Variants in PIGL observed in about 807,000 individuals in gnomAD.
PIGL encodes N-acetylglucosaminyl-phosphatidylinositol de-N-acetylase.
PIGL carries 22 observed loss-of-function variants against 31.1 expected under a neutral mutation model. That is an observed-to-expected ratio of 0.71 (90% CI 0.51 to 1.01). PIGL has a LOEUF of 1.01. Among genes scored for constraint, PIGL ranks in the 50% least tolerant of loss-of-function variants. PIGL has a pLI of 0.00. For missense variants in PIGL, 302 were observed against 315.9 expected (o/e 0.96, Z 0.33); for synonymous variants, 131 against 117.4 (o/e 1.12, Z -0.75).
At chr17:16,221,804 A>G (rs867101549) in intron 1 of PIGL, among the ~76,000 whole-genome samples, 15 of 152,248 alleles carry the variant, frequency 9.9e-5, no homozygotes, top group Admixed American at 3.3e-4. Flanking sequence ...TGTTTTTAGT[A>G]GAGACAGGGT....
At chr17:16,308,759 A>G (rs1199586657) in intron 3 of PIGL, among the ~76,000 whole-genome samples, 1 of 148,000 alleles carries the variant, frequency 6.8e-6, no homozygotes, top group Non-Finnish European at 1.5e-5. Flanking sequence ...CATACTACTT[A>G]TACACTAATT....
At chr17:16,229,971 C>T (rs1420093308) in intron 1 of PIGL, among the ~76,000 whole-genome samples, 4 of 145,368 alleles carry the variant, frequency 2.8e-5, no homozygotes, top group Non-Finnish European at 4.5e-5. Flanking sequence ...AAGAGATTCT[C>T]CTGCCTTAAC....
chr17:16,323,510 G>C (rs1478808820), intron 6 of PIGL, among the ~76,000 whole-genome samples: 1 of 151,668 alleles, frequency 6.6e-6, no homozygotes, highest in Non-Finnish European at 1.5e-5. Context: ...GTGAGATTAC[G>C]GGTGTGGGCC....
At chr17:16,304,209 A>G (rs1600846264) in intron 3 of PIGL, among the ~76,000 whole-genome samples, 1 of 152,214 alleles carries the variant, frequency 6.6e-6, no homozygotes, top group East Asian at 1.9e-4. Context: ...AGAAGTTTCA[A>G]CTGCACACAA....
chr17:16,297,898 G>A (rs1292770387), intron 2 of PIGL, among the ~76,000 whole-genome samples: 1 of 152,220 alleles, frequency 6.6e-6, no homozygotes, highest in East Asian at 1.9e-4. Flanking sequence ...TTAGGAACCA[G>A]GCAGCACAGC....
At chr17:16,258,193 T>A (rs1305663285) in intron 2 of PIGL, among the ~76,000 whole-genome samples, 3 of 148,092 alleles carry the variant, frequency 2.0e-5, no homozygotes, top group Non-Finnish European at 4.5e-5. Flanking sequence ...TCTTTTTTTT[T>A]TTTTTAGATG....
chr17:16,243,073 C>T (rs1351475089), intron 2 of PIGL, among the ~76,000 whole-genome samples: 2 of 152,134 alleles, frequency 1.3e-5, no homozygotes, highest in East Asian at 1.9e-4. Context: ...GTTTATGAGA[C>T]GGAGTCTTGC....
chr17:16,322,215 T>C (rs1238975764), intron 6 of PIGL, among the ~76,000 whole-genome samples: 1 of 152,134 alleles, frequency 6.6e-6, no homozygotes, highest in Non-Finnish European at 1.5e-5. Flanking sequence ...TGTCTCAGTC[T>C]CCTGAGTAGC....
intron 1 of PIGL, among the ~76,000 whole-genome samples, chr17:16,233,386 G>T (rs964453496): frequency 6.6e-6 from 1 of 152,128 alleles, no homozygotes; most frequent in African/African-American, 2.4e-5. Flanking sequence ...TATATAAGTT[G>T]TTTGGGGTGC....
chr17:16,250,722 A>G (rs2092767568), intron 2 of PIGL, among the ~76,000 whole-genome samples: 1 of 152,248 alleles, frequency 6.6e-6, no homozygotes. Flanking sequence ...AAATAAATAT[A>G]TGATCTTTCT....
At chr17:16,287,752 C>G (rs899196423) in intron 2 of PIGL, among the ~76,000 whole-genome samples, 1 of 152,134 alleles carries the variant, frequency 6.6e-6, no homozygotes, top group Non-Finnish European at 1.5e-5. Flanking sequence ...TTACTCTGAA[C>G]ATGCCCAAAA....
At chr17:16,316,307 A>G (rs1296151082) in intron 4 of PIGL, among the ~76,000 whole-genome samples, 1 of 152,192 alleles carries the variant, frequency 6.6e-6, no homozygotes, top group Non-Finnish European at 1.5e-5. Context: ...AATATCAGGG[A>G]AGAGCTATCA....
rs57153988 is a variant in PIGL at position 16,239,343 on chromosome 17, C to A, written c.335+5273C>A. On this transcript the variant is annotated intron_variant, in intron 2 of 6. Transcript: ENST00000225609. ...CTAAAGATACAAAAAATTAGCCAGG[C>A]GTGGTGGCATACACCTGTAATCCCA... Among the ~76,000 whole-genome samples the A allele has an allele frequency of 6.9e-3, 1,052 of 151,616 alleles. 11 individuals are homozygous for A. Among genetic ancestry groups the A allele is most frequent in the African/African-American group, 0.024 (1,012 of 41,388 alleles).
rs143319748 is a variant in PIGL, at chr17:16,293,401, G to A, written c.336-6487G>A. On this transcript the variant is annotated intron_variant, in intron 2 of 6. Transcript: ENST00000225609. ...AACTTAGCCGGGTGTGGTGGCGGGC[G>A]CCTGTAGTCCCAGCTACTCGGGTGG... 8.5e-3 allele frequency among the ~76,000 whole-genome samples: 1,298 copies of A among 152,316 alleles called. 15 individuals carry two copies. The highest frequency in any genetic ancestry group is 0.029 in the African/African-American group (1,218 of 41,570).
At chr17:16,284,050 A>G (rs1415500794) in intron 2 of PIGL, 1 of 150,874 alleles carries the variant, frequency 6.6e-6, no homozygotes, top group African/African-American at 2.4e-5. Context: ...ATCTCGGCTC[A>G]CTGCAACCTC....
intron 1 of PIGL, 170 bp downstream of exon 1, chr17:16,217,631 CTGGTGGGTTGG>C: frequency 3.3e-5 from 18 of 542,270 alleles, no homozygotes; most frequent in South Asian, 1.5e-4. Flanking sequence ...GCCGGCTTAC[CTGGTGGGTTGG>C]GGGACGTCGG....
chr17:16,285,568 C>T (rs2092933973), intron 2 of PIGL, among the ~76,000 whole-genome samples: 2 of 148,070 alleles, frequency 1.4e-5, no homozygotes, highest in South Asian at 4.2e-4. Flanking sequence ...GGCTCTGTCT[C>T]CAAAAAAAAA....
At chr17:16,299,078 C>T (rs897519748) in intron 2 of PIGL, among the ~76,000 whole-genome samples, 5 of 151,418 alleles carry the variant, frequency 3.3e-5, no homozygotes, top group African/African-American at 4.8e-5. Flanking sequence ...TGTGGTGGCA[C>T]GTACCTGTAA....
rs2092970642 is a variant in PIGL, at chr17:16,293,852, A to G, written c.336-6036A>G. ...ACAGAAAATAATAGAATACTATTCA[A>G]ATCAGGTACGAAGTGGGGTAGTCTA... On this transcript the variant is annotated intron_variant, in intron 2 of 6. Transcript: ENST00000225609. Among the ~76,000 whole-genome samples, 4 of 152,256 alleles carry G rather than the reference A, an allele frequency of 2.6e-5. No homozygotes were observed. In the South Asian group the frequency reaches 6.2e-4, roughly 24 times the overall value.
Sources: allele counts gnomAD v4.1 joint callset (sites outside exome capture counted in the v4.1 genomes callset), GRCh38; gene constraint gnomAD v4.1.1; transcripts MANE v1.5; gene names NCBI Gene and HGNC (gene_info 2026-07-23, HGNC 2026-07-21).